RBFOX1: variants seen among roughly 807,000 people sequenced by gnomAD.
RBFOX1 encodes the protein RNA binding fox-1 homolog 1.
Under a neutral mutation model 57.7 loss-of-function variants are expected in RBFOX1, and 8 were observed. The ratio of observed to expected loss-of-function variants is 0.14; its 90% confidence interval spans 0.08 to 0.25. RBFOX1 has a LOEUF of 0.25. Among genes scored for constraint, RBFOX1 ranks in the 10% least tolerant of loss-of-function variants. The probability of loss-of-function intolerance (pLI) is 1.00; values close to 1 mark genes in which losing one functional copy is unlikely to be tolerated. For missense variants in RBFOX1, 611 were observed against 548.5 expected, an observed-to-expected ratio of 1.11 and a Z score of -1.14; for synonymous variants, 326 against 222.4, an observed-to-expected ratio of 1.47 and a Z score of -4.15.
chr16:7,138,560 A>T (rs1414248276), intron 4 of RBFOX1, among the ~76,000 whole-genome samples: 1 of 152,140 alleles, frequency 6.6e-6, no homozygotes, highest in African/African-American at 2.4e-5. Flanking sequence ...AAACAACGTT[A>T]ATTTTATCCT....
At chr16:5,477,048 C>T (rs1410520581) in intron 2 of RBFOX1, among the ~76,000 whole-genome samples, 1 of 152,194 alleles carries the variant, frequency 6.6e-6, no homozygotes, top group Admixed American at 6.6e-5. Context: ...AGGTCTCGCT[C>T]TGTCACCCAG....
At chr16:6,115,325 A>T (rs1247360274) in intron 1 of RBFOX1, among the ~76,000 whole-genome samples, 1 of 152,230 alleles carries the variant, frequency 6.6e-6, no homozygotes, top group Admixed American at 6.5e-5. Flanking sequence ...AACAAGTACA[A>T]ATTAAAGGGC....
At chr16:7,405,325 G>A (rs1344253603) in intron 4 of RBFOX1, among the ~76,000 whole-genome samples, 1 of 152,220 alleles carries the variant, frequency 6.6e-6, no homozygotes, top group African/African-American at 2.4e-5. Context: ...TTTGCCGCTG[G>A]AAAGCCTTCA....
At chr16:5,350,543 C>T (rs2065239855) in intron 1 of RBFOX1, among the ~76,000 whole-genome samples, 1 of 152,152 alleles carries the variant, frequency 6.6e-6, no homozygotes, top group South Asian at 2.1e-4. Flanking sequence ...AATTGGCTCC[C>T]ACTTCTAGAG....
intron 2 of RBFOX1, among the ~76,000 whole-genome samples, chr16:6,625,783 C>G (rs1480842268): frequency 2.0e-5 from 3 of 152,130 alleles, no homozygotes; most frequent in African/African-American, 4.8e-5. Context: ...TAAATTAGAG[C>G]CTCTATAGAA....
rs76645686 is a variant in RBFOX1, at chr16:7,279,988, A to G, written c.27+227890A>G. Among the ~76,000 whole-genome samples the G allele has an allele frequency of 3.7e-4, 56 of 152,314 alleles. No homozygotes were observed. In the East Asian group the frequency reaches 0.01, roughly 28 times the overall value. On this transcript the variant is annotated intron_variant, in intron 4 of 15. Transcript: ENST00000550418. The stretch of plus-strand genomic sequence containing the variant: ...AGTTGGCCATATCAGCAGATGTTGC[A>G]TTTGCTGACTCCATGGCCAGCGCCA...
chr16:6,875,628 A>G (rs2153278024), intron 3 of RBFOX1, among the ~76,000 whole-genome samples: 1 of 152,364 alleles, frequency 6.6e-6, no homozygotes, highest in African/African-American at 2.4e-5. Context: ...GAGTTGATCC[A>G]CATCTGGATA....
At chr16:6,314,721 A>G (rs1290398291) in intron 1 of RBFOX1, among the ~76,000 whole-genome samples, 2 of 152,300 alleles carry the variant, frequency 1.3e-5, no homozygotes, top group African/African-American at 4.8e-5. Context: ...TTAATAAATG[A>G]GAGGATGCAT....
At chr16:7,571,344 A>G (rs2092752536) in intron 5 of RBFOX1, among the ~76,000 whole-genome samples, 1 of 152,074 alleles carries the variant, frequency 6.6e-6, no homozygotes, top group Non-Finnish European at 1.5e-5. Flanking sequence ...CAGAATCCAA[A>G]AGGCATGTAT....
chr16:6,957,116 T>TTTTTTTTTATTTATTTA (rs574831673), intron 3 of RBFOX1, among the ~76,000 whole-genome samples: 1 of 139,244 alleles, frequency 7.2e-6, no homozygotes, highest in Non-Finnish European at 1.5e-5. Flanking sequence ...TTATTTTTAT[T>TTTTTTTTTATTTATTTA]TTTATTTATT....
At chr16:5,310,943 C>T (rs1448862325) in intron 1 of RBFOX1, among the ~76,000 whole-genome samples, 1 of 152,146 alleles carries the variant, frequency 6.6e-6, no homozygotes, top group East Asian at 1.9e-4. Context: ...CACCTATCAC[C>T]TGAGTAGTGT....
intron 2 of RBFOX1, among the ~76,000 whole-genome samples, chr16:5,468,025 A>G (rs566176461): frequency 6.6e-6 from 1 of 152,222 alleles, no homozygotes; most frequent in Non-Finnish European, 1.5e-5. Context: ...GGGGAGGCGG[A>G]ATCTATGCTT....
In RBFOX1 at chr16:5,964,599, CTATG is replaced by C. The variant is rs2059808965; in HGVS notation, c.351+97268_351+97271del. Among the ~76,000 whole-genome samples, 9 of 151,572 alleles carry C rather than the reference CTATG, an allele frequency of 5.9e-5. No individual in the cohort carries two copies. The South Asian group carries it at 1.9e-3, about 32-fold the overall frequency. On this transcript the variant is annotated intron_variant, in intron 4 of 19. Transcript: ENST00000641259. Reference sequence around the variant, plus strand: ...TATGTGTGTATATATGCATCTATATCTATGTATATATATATCTCACATATACCAT... The same window carrying C: ...TATGTGTGTATATATGCATCTATATCTATATATATATCTCACATATACCAT...
intron 1 of RBFOX1, among the ~76,000 whole-genome samples, chr16:5,367,560 A>C (rs573373490): frequency 6.6e-6 from 1 of 152,208 alleles, no homozygotes; most frequent in East Asian, 1.9e-4. Context: ...GTTCTTACAA[A>C]CCTTCCCCAG....
intron 3 of RBFOX1, among the ~76,000 whole-genome samples, chr16:6,747,334 G>C (rs777864324): frequency 6.6e-6 from 1 of 152,042 alleles, no homozygotes; most frequent in African/African-American, 2.4e-5. Context: ...TTGAACCTAG[G>C]AGGTAGAGAT....
intron 3 of RBFOX1, among the ~76,000 whole-genome samples, chr16:6,677,498 C>G (rs1406018319): frequency 3.3e-5 from 5 of 152,042 alleles, no homozygotes; most frequent in African/African-American, 1.2e-4. Context: ...AAACATCCAG[C>G]CTAAATTAAG....
intron 3 of RBFOX1, among the ~76,000 whole-genome samples, chr16:5,798,427 T>C (rs2054949397): frequency 6.6e-6 from 1 of 152,136 alleles, no homozygotes; most frequent in African/African-American, 2.4e-5. Context: ...GATGAAAGGG[T>C]TTATTTCCCA....
At chr16:6,072,264 C>T (rs1356645997) in intron 1 of RBFOX1, among the ~76,000 whole-genome samples, 1 of 152,208 alleles carries the variant, frequency 6.6e-6, no homozygotes, top group Non-Finnish European at 1.5e-5. Flanking sequence ...CACTGCGTCC[C>T]TCCCAATACA....
intron 2 of RBFOX1, among the ~76,000 whole-genome samples, chr16:6,486,212 G>A (rs1345328893): frequency 1.3e-5 from 2 of 149,452 alleles, no homozygotes; most frequent in Non-Finnish European, 1.5e-5. Flanking sequence ...TGAGAATCCA[G>A]GTACACACTC....
Sources: gnomAD v4.1 joint callset for allele counts (sites outside exome capture counted in the v4.1 genomes callset) on GRCh38, gnomAD v4.1.1 for gene constraint, MANE v1.5 for transcripts, NCBI Gene and HGNC (gene_info 2026-07-23, HGNC 2026-07-21) for gene names.